Variants in PRRT1B observed in about 807,000 individuals in gnomAD.
PRRT1B encodes dispanin subfamily D member 2.
In PRRT1B at chr9:131,549,563, C is replaced by T. The variant is rs148892457; in HGVS notation, c.25+3923C>T. Reference sequence around the variant, plus strand: ...TCTTGGCTTAGTGGCTGAAGACTCACGCTGCCCGATCGCCTCAGAAGCCCC... The same window carrying T: ...TCTTGGCTTAGTGGCTGAAGACTCATGCTGCCCGATCGCCTCAGAAGCCCC... On this transcript the variant is annotated intron_variant, in intron 1 of 3. Coordinates refer to ENST00000636672, the Ensembl canonical transcript of PRRT1B. Among the ~76,000 whole-genome samples, 1,399 of 152,324 alleles carry T rather than the reference C, an allele frequency of 9.2e-3. 27 individuals carry two copies. Among genetic ancestry groups the T allele is most frequent in the African/African-American group, 0.031 (1,279 of 41,552 alleles).
chr9:131,547,461 C>T (rs986839557), intron 1 of PRRT1B, among the ~76,000 whole-genome samples: 9 of 152,186 alleles, frequency 5.9e-5, no homozygotes, highest in Non-Finnish European at 1.0e-4. Context: ...CCCCCTTTGA[C>T]TGTAATTTTC....
intron 1 of PRRT1B, among the ~76,000 whole-genome samples, chr9:131,549,591 A>G (rs1950997463): frequency 1.3e-5 from 2 of 152,140 alleles, no homozygotes; most frequent in Non-Finnish European, 2.9e-5. Context: ...GAAGCCCCCT[A>G]GACCATCACG....
chr9:131,556,266 C>A, intron 3 of PRRT1B, 53 bp downstream of exon 3: 1 of 400,320 alleles, frequency 2.5e-6, no homozygotes, highest in Non-Finnish European at 4.4e-6. Context: ...CAGCCACTGG[C>A]GCCCCAGTGG....
intron 1 of PRRT1B, among the ~76,000 whole-genome samples, chr9:131,550,655 C>G (rs1303111364): frequency 6.6e-6 from 1 of 152,176 alleles, no homozygotes; most frequent in Non-Finnish European, 1.5e-5. Context: ...CGGGACTGCG[C>G]CCCGTAGCCT....
chr9:131,559,228 G>C (rs62581381), downstream of PRRT1B, among the ~76,000 whole-genome samples: 4,978 of 9,800 alleles, frequency 0.51, 115 homozygotes, highest in South Asian at 0.52. Flanking sequence ...TGGATCACCT[G>C]AGTCAGGAGT....
intron 1 of PRRT1B, among the ~76,000 whole-genome samples, chr9:131,549,921 T>G (rs1326397334): frequency 6.6e-6 from 1 of 152,126 alleles, no homozygotes; most frequent in Admixed American, 6.6e-5. Context: ...CAGCCACATC[T>G]CATTGCCGCC....
intron 1 of PRRT1B, among the ~76,000 whole-genome samples, chr9:131,547,830 CT>C (rs1950985993): frequency 6.6e-6 from 1 of 152,214 alleles, no homozygotes; most frequent in South Asian, 2.1e-4. Context: ...CCTCGTTCTC[CT>C]TTCAGTCTTG....
At chr9:131,554,085 C>T (rs1262374052) in intron 1 of PRRT1B, among the ~76,000 whole-genome samples, 1 of 152,192 alleles carries the variant, frequency 6.6e-6, no homozygotes, top group African/African-American at 2.4e-5. Context: ...TACAGTTTGG[C>T]AGCTCCTGGG....
Position 131,551,833 on chromosome 9 carries a change from G to A in PRRT1B, c.26-2724G>A, listed in dbSNP as rs953894546. On this transcript the variant is annotated intron_variant, in intron 1 of 3. Transcript: ENST00000636672. This position sits in a 1 kb window ranked among gnomAD's most constrained non-coding sequence, Gnocchi z 4.4. The stretch of plus-strand genomic sequence containing the variant: ...AAGACGGCCCACCCCATCTCCCTTC[G>A]CTGACTCTCTTTTTGGACTCAGCCT... 6.7e-6 allele frequency among the ~76,000 whole-genome samples: 1 copy of A among 150,350 alleles called. No homozygotes were observed. Among genetic ancestry groups the A allele is most frequent in the African/African-American group, 2.5e-5 (1 of 40,648 alleles).
rs4740275 is a variant in PRRT1B, at chr9:131,551,598, G to A, written c.26-2959G>A. 0.5 allele frequency among the ~76,000 whole-genome samples: 76,236 copies of A among 151,442 alleles called. 19,320 individuals are homozygous for A. Among genetic ancestry groups the A allele is most frequent in the Admixed American group, 0.55 (8,402 of 15,222 alleles). On this transcript the variant is annotated intron_variant, in intron 1 of 3. Transcript: ENST00000636672. This position sits in a 1 kb window ranked among gnomAD's most constrained non-coding sequence, Gnocchi z 4.4. ...CCTGCATGTACACATCCAGGTGGCC[G>A]GTTCCTGCCTTAACTGATGACATTC...
chr9:131,546,820 C>A (rs867290660), intron 1 of PRRT1B, among the ~76,000 whole-genome samples: 1 of 152,306 alleles, frequency 6.6e-6, no homozygotes, highest in East Asian at 1.9e-4. Context: ...TCCGCGCCAT[C>A]GGGCCAGATA....
chr9:131,556,541 C>T (rs1951051664), intron 3 of PRRT1B, among the ~76,000 whole-genome samples: 1 of 152,174 alleles, frequency 6.6e-6, no homozygotes, highest in African/African-American at 2.4e-5. Flanking sequence ...CATTCCTATG[C>T]TCATCTCATC....
chr9:131,555,935 G>A (rs1951046351), intron 2 of PRRT1B, 135 bp from the exon 3 acceptor site: 7 of 396,426 alleles, frequency 1.8e-5, no homozygotes, highest in East Asian at 7.2e-5. Context: ...CAACCCCTCC[G>A]TGAATTGCAG....
chr9:131,552,966 G>A (rs773774793), intron 1 of PRRT1B, among the ~76,000 whole-genome samples: 18 of 151,828 alleles, frequency 1.2e-4, no homozygotes, highest in Non-Finnish European at 2.4e-4. Context: ...GATTATAGGC[G>A]TGAGCCATTG....
At chr9:131,550,705 C>T (rs1951004453) in intron 1 of PRRT1B, among the ~76,000 whole-genome samples, 1 of 152,086 alleles carries the variant, frequency 6.6e-6, no homozygotes, top group African/African-American at 2.4e-5. Flanking sequence ...TTAGCTTATC[C>T]CTCATGTCTG....
chr9:131,551,012 G>A lies in PRRT1B; in HGVS notation c.26-3545G>A, dbSNP rs1306814256. Among the ~76,000 whole-genome samples the A allele has an allele frequency of 4.4e-5, 6 of 134,930 alleles. No individual in the cohort carries two copies. The highest frequency in any genetic ancestry group is 4.7e-4 in the East Asian group (2 of 4,238). 88.5% of individuals were successfully genotyped at this position (134,930 alleles called of 152,430 possible). ...GGCTGGAGTGCAGTGGCGCGATCTC[G>A]GCTCACTGCAAGCTCTGCCTCCCGG... On this transcript the variant is annotated intron_variant, in intron 1 of 3. Coordinates refer to ENST00000636672, the Ensembl canonical transcript of PRRT1B. This position sits in a 1 kb window ranked among gnomAD's most constrained non-coding sequence, Gnocchi z 4.4.
chr9:131,546,005 G>C (rs993167918), intron 1 of PRRT1B, among the ~76,000 whole-genome samples: 8 of 152,178 alleles, frequency 5.3e-5, no homozygotes, highest in Non-Finnish European at 1.0e-4. Context: ...CGGAGCCAGG[G>C]TGGGGAGAGC....
In PRRT1B at chr9:131,549,689, T is replaced by C. The variant is rs140744101; in HGVS notation, c.25+4049T>C. 4.2e-3 allele frequency among the ~76,000 whole-genome samples: 634 copies of C among 152,242 alleles called. 4 individuals carry two copies. Among genetic ancestry groups the C allele is most frequent in the African/African-American group, 0.015 (609 of 41,528 alleles). On this transcript the variant is annotated intron_variant, in intron 1 of 3. Coordinates refer to ENST00000636672, the Ensembl canonical transcript of PRRT1B. ...GGAGGCTACCCACTCCACATTACCT[T>C]CAAGGGCCTGTTTCCTTTGCCTCCA...
intron 1 of PRRT1B, among the ~76,000 whole-genome samples, chr9:131,552,839 AT>A (rs61662684): frequency 0.22 from 29,397 of 133,626 alleles, 2,805 homozygotes; most frequent in Non-Finnish European, 0.28. Context: ...CACCTGGTTA[AT>A]TTTTTTTTTT....
Sources: allele counts gnomAD v4.1 joint callset (sites outside exome capture counted in the v4.1 genomes callset), GRCh38; gene constraint gnomAD v4.1.1; non-coding constraint Gnocchi (gnomAD v3.1); transcripts MANE v1.5; gene names NCBI Gene and HGNC (gene_info 2026-07-23, HGNC 2026-07-21).